The following COX16 variants were observed in gnomAD, a reference collection of about 807,000 sequenced individuals.
COX16 encodes cytochrome c oxidase assembly factor COX16.
A neutral mutation model predicts 15.4 loss-of-function variants in COX16; 12 were observed. The observed-to-expected ratio is 0.78, with a 90% CI of 0.50 to 1.26. COX16 has a LOEUF of 1.26. Among genes scored for constraint, COX16 ranks in the 50% most tolerant of loss-of-function variants. The probability of loss-of-function intolerance (pLI) is 0.00; values close to 1 mark genes in which losing one functional copy is unlikely to be tolerated. For synonymous variants in COX16, 46 were observed against 41.1 expected (o/e 1.12, Z -0.46); for missense variants, 124 against 127.6 (o/e 0.97, Z 0.14).
At chr14:70,341,048 A>T (rs1235388163) in intron 2 of COX16, among the ~76,000 whole-genome samples, 1 of 152,198 alleles carries the variant, frequency 6.6e-6, no homozygotes, top group African/African-American at 2.4e-5. Context: ...AAGTATTAAC[A>T]CATGACCACT....
chr14:70,335,228 G>A (rs1314611642), intron 2 of COX16, among the ~76,000 whole-genome samples: 1 of 152,160 alleles, frequency 6.6e-6, no homozygotes, highest in Non-Finnish European at 1.5e-5. Context: ...TCTAAAGGGA[G>A]ACAGACTGCA....
chr14:70,329,052 T>TAA, intron 3 of COX16, 122 bp downstream of exon 3: 1 of 750,922 alleles, frequency 1.3e-6, no homozygotes, highest in African/African-American at 1.8e-5. Context: ...TTTCAAATGA[T>TAA]TATAGTTTAT....
At chr14:70,326,534 A>T in intron 3 of COX16, 85 bp from the exon 4 acceptor site, 11 of 1,013,516 alleles carry the variant, frequency 1.1e-5, no homozygotes, top group Non-Finnish European at 1.3e-5. Flanking sequence ...CAATGAATAA[A>T]TGAGTAGAAA....
chr14:70,359,450 TC>T (rs1318501151), intron 1 of COX16, 68 bp downstream of exon 1: 1 of 1,387,440 alleles, frequency 7.2e-7, no homozygotes, highest in Non-Finnish European at 1.0e-6. Flanking sequence ...ACAGATTCCC[TC>T]CCAGGTCTTG....
At chr14:70,348,872 A>G (rs540806737) in intron 1 of COX16, among the ~76,000 whole-genome samples, 16 of 152,302 alleles carry the variant, frequency 1.1e-4, no homozygotes, top group East Asian at 9.7e-4. Flanking sequence ...AACCCGGGAC[A>G]ATCCTATATC....
At chr14:70,329,308 TAGA>T (rs1230218147) in intron 2 of COX16, 72 bp from the exon 3 acceptor site, 2 of 1,412,264 alleles carry the variant, frequency 1.4e-6, no homozygotes, top group Non-Finnish European at 1.9e-6. Context: ...TTTTAAGTTA[TAGA>T]AGAGATGGCT....
rs538033473 is a variant in COX16, at chr14:70,357,937, G to A, written c.69+1582C>T. On this transcript the variant is annotated intron_variant, in intron 1 of 3. Coordinates refer to ENST00000389912, the MANE Select transcript of COX16 (RefSeq NM_016468.7). ...GAAAACATACTTCCACACAAAGCGT[G>A]TACATAAATGTTCATAGCAGCATTA... 2.6e-5 allele frequency among the ~76,000 whole-genome samples: 4 copies of A among 152,236 alleles called. No homozygotes were observed. The South Asian group carries it at 8.3e-4, about 32-fold the overall frequency.
chr14:70,353,930 G>T (rs1330466674), intron 1 of COX16, among the ~76,000 whole-genome samples: 1 of 151,998 alleles, frequency 6.6e-6, no homozygotes, highest in Non-Finnish European at 1.5e-5. Flanking sequence ...AAACCTTGAG[G>T]TTATGAATTT....
At chr14:70,353,942 AT>A (rs1416151277) in intron 1 of COX16, among the ~76,000 whole-genome samples, 2 of 151,944 alleles carry the variant, frequency 1.3e-5, no homozygotes, top group Non-Finnish European at 1.5e-5. Context: ...TATGAATTTC[AT>A]TTTTTTTCCC....
intron 1 of COX16, among the ~76,000 whole-genome samples, chr14:70,343,780 A>G (rs1353628969): frequency 6.6e-6 from 1 of 152,244 alleles, no homozygotes; most frequent in Non-Finnish European, 1.5e-5. Flanking sequence ...AAAGAATTGT[A>G]ACCACCGAAT....
intron 1 of COX16, among the ~76,000 whole-genome samples, chr14:70,345,033 C>T (rs913238680): frequency 1.3e-5 from 2 of 152,192 alleles, no homozygotes; most frequent in African/African-American, 2.4e-5. Context: ...ATACAAGAAC[C>T]GTACATCTGG....
chr14:70,326,340 G>T lies in COX16; in HGVS notation c.314C>A (p.Thr105Lys). Reference sequence around the variant, plus strand: ...AAAAAAGAATCAGCAGAGTCAAGTTGTCTTAGTCTTAAGGCTTTCTGGATT... The same window carrying T: ...AAAAAAGAATCAGCAGAGTCAAGTTTTCTTAGTCTTAAGGCTTTCTGGATT... ...GRNPESLKTK[T>K]T Residue 105 changes from threonine (T) to lysine (K), a missense_variant, in exon 4 of 4, where the codon ACA becomes AAA. Transcript: ENST00000389912. The T allele has an allele frequency of 6.6e-7, 1 of 1,514,256 alleles. No homozygotes were observed. The highest frequency in any genetic ancestry group is 1.3e-5 in the South Asian group (1 of 75,374). The allele number at this position is 1,514,256 out of a possible 1,614,324, so 93.8% of individuals were successfully genotyped here. A position where few individuals can be genotyped will look rare whatever the true frequency, so the allele number is the denominator to read the frequency against.
At chr14:70,349,637 G>A (rs1347276761) in intron 1 of COX16, among the ~76,000 whole-genome samples, 2 of 152,080 alleles carry the variant, frequency 1.3e-5, no homozygotes, top group Non-Finnish European at 2.9e-5. Flanking sequence ...TAAAAACCCA[G>A]CAGTTGTGGA....
intron 1 of COX16, among the ~76,000 whole-genome samples, chr14:70,351,553 T>C (rs1555345606): frequency 6.6e-6 from 1 of 152,220 alleles, no homozygotes; most frequent in Non-Finnish European, 1.5e-5. Flanking sequence ...TTACCATCTA[T>C]ATATAATAAC....
intron 2 of COX16, 62 bp from the exon 3 acceptor site, chr14:70,329,298 T>TTTTAAGTTATAGAAGAGA: frequency 6.7e-7 from 1 of 1,489,546 alleles, no homozygotes; most frequent in East Asian, 2.3e-5. Context: ...CAATTTTCAA[T>TTTTAAGTTATAGAAGAGA]TTTAAGTTAT....
intron 2 of COX16, among the ~76,000 whole-genome samples, chr14:70,329,482 G>C (rs1886210251): frequency 6.6e-6 from 1 of 151,876 alleles, no homozygotes; most frequent in African/African-American, 2.4e-5. Flanking sequence ...ATATTATCTT[G>C]TTTCATCCTC....
chr14:70,342,089 C>G (rs112872478), intron 2 of COX16, among the ~76,000 whole-genome samples: 11,129 of 152,192 alleles, frequency 0.073, 464 homozygotes, highest in Middle Eastern at 0.11. Flanking sequence ...CTAAAAACAG[C>G]TACATCAGAT....
In COX16 at chr14:70,326,009, C is replaced by T. The variant is rs1295395323; in HGVS notation, c.*324G>A. ...TCAGAATGAAATATCAAAATGATGC[C>T]CTAATGGCTATTGCAAAAGGAATAT... On this transcript the variant is annotated 3_prime_UTR_variant, in exon 4 of 4. Coordinates refer to ENST00000389912, the MANE Select transcript of COX16 (RefSeq NM_016468.7). 6.3e-6 allele frequency: 1 copy of T among 158,308 alleles called. No individual in the cohort carries two copies. The highest frequency in any genetic ancestry group is 2.4e-5 in the African/African-American group (1 of 41,628). 9.8% of individuals were successfully genotyped at this position (158,308 alleles called of 1,614,324 possible). A position where few individuals can be genotyped will look rare whatever the true frequency, so the allele number is the denominator to read the frequency against.
intron 2 of COX16, among the ~76,000 whole-genome samples, chr14:70,330,471 CTG>C (rs1886247649): frequency 6.6e-6 from 1 of 152,166 alleles, no homozygotes; most frequent in African/African-American, 2.4e-5. Flanking sequence ...AACAAACACT[CTG>C]TATGAATTAT....
Sources: gnomAD v4.1 joint callset for allele counts (sites outside exome capture counted in the v4.1 genomes callset) on GRCh38, gnomAD v4.1.1 for gene constraint, MANE v1.5 for transcripts, NCBI Gene and HGNC (gene_info 2026-07-23, HGNC 2026-07-21) for gene names.